Variants in UBE3A observed in about 807,000 individuals in gnomAD.
UBE3A encodes ubiquitin protein ligase E3A.
UBE3A carries 6 observed loss-of-function variants against 83.4 expected under a neutral mutation model. The ratio of observed to expected loss-of-function variants is 0.07; its 90% CI spans 0.04 to 0.14. UBE3A has a LOEUF of 0.14. Among genes scored for constraint, UBE3A ranks in the 10% least tolerant of loss-of-function variants. The probability of loss-of-function intolerance (pLI) is 1.00; values close to 1 mark genes in which losing one functional copy is unlikely to be tolerated. For synonymous variants in UBE3A, 337 were observed against 355.4 expected, an observed-to-expected ratio of 0.95 and a Z score of 0.58; for missense variants, 456 against 1,036.1, an observed-to-expected ratio of 0.44 and a Z score of 7.69.
intron 5 of UBE3A, chr15:25,374,579 A>G (rs1013999271): frequency 2.6e-5 from 4 of 152,266 alleles, no homozygotes; most frequent in Non-Finnish European, 5.9e-5. Flanking sequence ...AAATAATTTT[A>G]TTGTGGAAAC....
intron 1 of UBE3A, among the ~76,000 whole-genome samples, chr15:25,427,235 A>T (rs117535502): frequency 6.6e-6 from 1 of 152,166 alleles, no homozygotes; most frequent in African/African-American, 2.4e-5. Flanking sequence ...CTCAGTTGAG[A>T]TAAACACGAC....
At chr15:25,408,835 AAACCTTG>A in intron 3 of UBE3A, 1 of 826,632 alleles carries the variant, frequency 1.2e-6, no homozygotes. Context: ...AAAATGTTTA[AAACCTTG>A]AAGTTTTTTT....
At chr15:25,348,553 T>C (rs945473237) in intron 11 of UBE3A, among the ~76,000 whole-genome samples, 1 of 152,180 alleles carries the variant, frequency 6.6e-6, no homozygotes, top group African/African-American at 2.4e-5. Context: ...GATTTGTAGA[T>C]GACATAGCTG....
intron 11 of UBE3A, among the ~76,000 whole-genome samples, chr15:25,350,267 C>T (rs1433618402): frequency 6.6e-6 from 1 of 151,694 alleles, no homozygotes; most frequent in Non-Finnish European, 1.5e-5. Context: ...TGCTACTGCA[C>T]TCCAGCCTGG....
intron 3 of UBE3A, chr15:25,408,046 G>C (rs967679459): frequency 6.5e-6 from 1 of 153,130 alleles, no homozygotes; most frequent in Non-Finnish European, 1.5e-5. Context: ...GGTCAACCTG[G>C]GCAACATGAT....
chr15:25,359,261 G>A (rs2077652918), intron 7 of UBE3A, among the ~76,000 whole-genome samples: 1 of 152,078 alleles, frequency 6.6e-6, no homozygotes. Flanking sequence ...CTAGAGCTAA[G>A]GTTTACCAAA....
chr15:25,411,230 T>C (rs1276011695), intron 2 of UBE3A, among the ~76,000 whole-genome samples: 14 of 152,222 alleles, frequency 9.2e-5, no homozygotes, highest in Admixed American at 7.9e-4. Flanking sequence ...ATAGTACCTA[T>C]TCCATAGAGC....
intron 4 of UBE3A, chr15:25,391,699 C>T (rs2084428459): frequency 1.3e-5 from 2 of 152,014 alleles, no homozygotes; most frequent in South Asian, 4.2e-4. Flanking sequence ...GTAGAAGAGC[C>T]ATAGGACAAG....
At chr15:25,360,242 C>T in intron 7 of UBE3A, 141 bp downstream of exon 7, 3 of 1,052,038 alleles carry the variant, frequency 2.9e-6, no homozygotes, top group East Asian at 2.6e-5. Context: ...CAAATTCAGT[C>T]ATGATGTGTG....
chr15:25,399,909 A>T (rs1162771032), intron 4 of UBE3A, among the ~76,000 whole-genome samples: 1 of 152,014 alleles, frequency 6.6e-6, no homozygotes, highest in African/African-American at 2.4e-5. Flanking sequence ...ATGCTGTTAT[A>T]ATTACTGTAG....
intron 4 of UBE3A, among the ~76,000 whole-genome samples, chr15:25,401,851 C>T (rs1177701479): frequency 6.6e-6 from 1 of 152,076 alleles, no homozygotes; most frequent in Non-Finnish European, 1.5e-5. Context: ...TGCTCTTTTG[C>T]ATTTTTCATT....
At chr15:25,356,449 A>G (rs1349375706) in intron 8 of UBE3A, among the ~76,000 whole-genome samples, 10 of 152,224 alleles carry the variant, frequency 6.6e-5, no homozygotes, top group Non-Finnish European at 7.3e-5. Context: ...CAAAATGTTT[A>G]GAAACACTTC....
At position 25,340,195 on chromosome 15, in the gene UBE3A, A is replaced by C. The variant is rs774239596; in HGVS notation, c.2388T>G (p.Asp796Glu). 1 of 1,613,782 alleles carries C rather than the reference A, an allele frequency of 6.2e-7. No individual in the cohort carries two copies. Among genetic ancestry groups the C allele is most frequent in the African/African-American group, 1.3e-5 (1 of 74,924 alleles). Residue 796 changes from aspartate to glutamate, a missense_variant, in exon 12 of 13, where the codon GAT (aspartate) becomes GAG (glutamate). By Grantham distance (45) the Asp-to-Glu change is conservative (BLOSUM62 2). Coordinates refer to ENST00000648336, the MANE Select transcript of UBE3A (RefSeq NM_130839.5). Reference protein sequence around the residue: ...EFWEIVHSFTDEQKRLFLQFT... With the variant: ...EFWEIVHSFTEEQKRLFLQFT... ...ACTGCAAGAAGAGTCTTTTCTGTTC[A>C]TCTGTAAATGAATGAACGATTTCCC...
In UBE3A at chr15:25,371,114, T is replaced by C. The variant is rs1595808009; in HGVS notation, c.1060A>G (p.Asn354Asp). 6.2e-7 allele frequency: 1 copy of C among 1,614,170 alleles called. No homozygotes were observed. The highest frequency in any genetic ancestry group is 8.5e-7 in the Non-Finnish European group (1 of 1,180,014). ...TCATCATTCACTAGATTTCGACTGT[T>C]AAATTCATTGCTTATGACTTTATAA... ...ITYKVISNEFNSRNLVNDDDA... is the reference protein window; with the variant it reads ...ITYKVISNEFDSRNLVNDDDA... The change falls in exon 6 of 13, where the codon AAC (asparagine) becomes GAC (aspartate). Residue 354 changes from asparagine (N) to aspartate (D), a missense_variant. This residue lies in a region of UBE3A where 85 missense variants were observed against 137.0 expected (regional missense o/e 0.62). Transcript: ENST00000648336. This position sits in a 1 kb window ranked among gnomAD's most constrained non-coding sequence, Gnocchi z 5.3.
At chr15:25,411,992 C>G (rs2090077574) in intron 1 of UBE3A, 21 bp from the exon 2 acceptor site, 1 of 152,298 alleles carries the variant, frequency 6.6e-6, no homozygotes, top group African/African-American at 2.4e-5. Flanking sequence ...AAACACCTCA[C>G]TCAATTCTTT....
At position 25,396,200 on chromosome 15, in the gene UBE3A, C is replaced by CA. The variant is rs796649552; in HGVS notation, c.62+9260dup. The stretch of plus-strand genomic sequence containing the variant: ...TGGGTGACAGAGCAAGATTCCATCT[C>CA]AAAAAAAAAATCTGAAGTTACTGAG... On this transcript the variant is annotated intron_variant, in intron 4 of 12. Transcript: ENST00000648336. 2.3e-3 allele frequency among the ~76,000 whole-genome samples: 346 copies of CA among 147,642 alleles called. 3 individuals carry two copies. Among genetic ancestry groups the CA allele is most frequent in the African/African-American group, 7.7e-3 (310 of 40,274 alleles).
rs2073852871 is a variant in UBE3A at position 25,334,173 on chromosome 15, A to G, written c.*4964T>C. 6.6e-6 allele frequency: 1 copy of G among 152,202 alleles called. No individual in the cohort carries two copies. The highest frequency in any genetic ancestry group is 2.4e-5 in the African/African-American group (1 of 41,454). The allele number at this position is 152,202 out of a possible 1,614,324, so 9.4% of individuals were successfully genotyped here. A position where few individuals can be genotyped will look rare whatever the true frequency, so the allele number is the denominator to read the frequency against. Reference sequence around the variant, plus strand: ...TAAAAGTATTTCTGTTCACAGATGCATGATCTCATATGCAAAAAATACTAA... The same window carrying G: ...TAAAAGTATTTCTGTTCACAGATGCGTGATCTCATATGCAAAAAATACTAA... On this transcript the variant is annotated 3_prime_UTR_variant, in exon 13 of 13. Transcript: ENST00000648336.
intron 1 of UBE3A, among the ~76,000 whole-genome samples, chr15:25,436,713 C>G (rs1026855219): frequency 6.6e-6 from 1 of 152,112 alleles, no homozygotes; most frequent in Non-Finnish European, 1.5e-5. Flanking sequence ...TTCCCCACAC[C>G]TCTGACTAGT....
At position 25,403,632 on chromosome 15, in the gene UBE3A, C is replaced by CA. The variant is rs11438354; in HGVS notation, c.62+1828dup. ...GGGAAAACAATTCAAAGCAGGGTCT[C>CA]AAAAAGATATTTGTACACTCCTGTT... On this transcript the variant is annotated intron_variant, in intron 4 of 12. Coordinates refer to ENST00000648336, the MANE Select transcript of UBE3A (RefSeq NM_130839.5). 1.9e-3 allele frequency among the ~76,000 whole-genome samples: 286 copies of CA among 152,186 alleles called. 2 individuals are homozygous for CA. Among genetic ancestry groups the CA allele is most frequent in the African/African-American group, 6.6e-3 (273 of 41,526 alleles).
Sources: allele counts gnomAD v4.1 joint callset (sites outside exome capture counted in the v4.1 genomes callset), GRCh38; gene constraint gnomAD v4.1.1; regional missense constraint gnomAD v4.1.1; non-coding constraint Gnocchi (gnomAD v3.1); transcripts MANE v1.5; gene names NCBI Gene and HGNC (gene_info 2026-07-23, HGNC 2026-07-21).